Variants in RAD51C observed in about 807,000 individuals in gnomAD.
The protein encoded by RAD51C is RAD51 paralog C, also known as DNA repair protein RAD51 homolog 3.
In RAD51C, 42 loss-of-function variants were observed where a neutral mutation model predicts 45.0. That is an observed-to-expected ratio of 0.93 (90% CI 0.73 to 1.21). The LOEUF is 1.21. Ranked by LOEUF, RAD51C falls within the 50% of genes most tolerant of loss-of-function variation. The pLI, the probability that RAD51C is intolerant of heterozygous loss-of-function variation, is 0.00. For missense variants in RAD51C, 474 were observed against 452.2 expected (o/e 1.05, Z -0.44); for synonymous variants, 172 against 159.8 (o/e 1.08, Z -0.58).
chr17:58,695,727 G>T (rs576258816), intron 2 of RAD51C, among the ~76,000 whole-genome samples: 86 of 151,706 alleles, frequency 5.7e-4, no homozygotes, highest in Middle Eastern at 3.4e-3. Flanking sequence ...CAAAACTGCA[G>T]TGAGCCTTAA....
intron 4 of RAD51C, among the ~76,000 whole-genome samples, chr17:58,708,068 C>G (rs1258531777): frequency 1.3e-5 from 2 of 152,148 alleles, no homozygotes; most frequent in Non-Finnish European, 2.9e-5. Context: ...ATTGGGGGGA[C>G]ACAGCAGTGG....
chr17:58,733,351 A>C (rs1463485443), intron 8 of RAD51C, among the ~76,000 whole-genome samples: 2 of 152,164 alleles, frequency 1.3e-5, no homozygotes, highest in Non-Finnish European at 2.9e-5. Flanking sequence ...ACAGAAATAG[A>C]GATTCTGAAA....
intron 1 of RAD51C, 79 bp from the exon 2 acceptor site, chr17:58,694,852 T>G (rs941885100): frequency 1.6e-5 from 20 of 1,288,794 alleles, no homozygotes; most frequent in Non-Finnish European, 2.2e-5. Context: ...TGTCTACAAA[T>G]TAATAAAGAC....
At chr17:58,695,837 C>T (rs2064200364) in intron 2 of RAD51C, among the ~76,000 whole-genome samples, 4 of 151,792 alleles carry the variant, frequency 2.6e-5, no homozygotes, top group Non-Finnish European at 4.4e-5. Context: ...GAGGCTGAGG[C>T]GGGTGGATCA....
At chr17:58,725,226 T>A (rs2049074931) in intron 7 of RAD51C, among the ~76,000 whole-genome samples, 1 of 152,184 alleles carries the variant, frequency 6.6e-6, no homozygotes, top group Non-Finnish European at 1.5e-5. Flanking sequence ...CTAATTTTTT[T>A]TCTATGATCA....
intron 5 of RAD51C, among the ~76,000 whole-genome samples, chr17:58,713,644 C>G (rs1337109566): frequency 1.3e-5 from 2 of 152,076 alleles, no homozygotes; most frequent in Admixed American, 1.3e-4. Flanking sequence ...CTTGTCTCTA[C>G]TAATAATACA....
chr17:58,692,922 A>T (rs2047832463), intron 1 of RAD51C, 134 bp downstream of exon 1: 2 of 1,332,780 alleles, frequency 1.5e-6, no homozygotes, highest in African/African-American at 1.5e-5. Flanking sequence ...TTACAGCGTG[A>T]AAGAGCTCCT....
intron 8 of RAD51C, among the ~76,000 whole-genome samples, chr17:58,733,700 T>C (rs1397412042): frequency 6.6e-6 from 1 of 152,176 alleles, no homozygotes; most frequent in Non-Finnish European, 1.5e-5. Context: ...TTCACAGTGG[T>C]TGATAAATTT....
intron 4 of RAD51C, among the ~76,000 whole-genome samples, chr17:58,708,582 T>G (rs1435476615): frequency 6.6e-6 from 1 of 152,116 alleles, no homozygotes; most frequent in African/African-American, 2.4e-5. Flanking sequence ...GAAAAAAACA[T>G]AGCATTGGAG....
intron 7 of RAD51C, among the ~76,000 whole-genome samples, chr17:58,730,982 T>C (rs775335131): frequency 2.6e-5 from 4 of 152,176 alleles, no homozygotes; most frequent in Non-Finnish European, 5.9e-5. Context: ...TTCTACCTTC[T>C]GTCTCTGAAT....
rs1034609911 is a variant in RAD51C, at chr17:58,734,698, G to A, written c.*476G>A. The A allele has an allele frequency of 3.1e-5, 5 of 160,134 alleles. No homozygotes were observed. Among genetic ancestry groups the A allele is most frequent in the South Asian group, 1.7e-4 (1 of 6,014 alleles). The allele number at this position is 160,134 out of a possible 1,614,324, so 9.9% of individuals were successfully genotyped here. On this transcript the variant is annotated 3_prime_UTR_variant, in exon 9 of 9. Coordinates refer to ENST00000337432, the MANE Select transcript of RAD51C (RefSeq NM_058216.3). Reference sequence around the variant, plus strand: ...CAACCTCCGCCTCCCAGGTTCAAGCGATTCATCTGCCTCAGCCTCCCGAGT... The same window carrying A: ...CAACCTCCGCCTCCCAGGTTCAAGCAATTCATCTGCCTCAGCCTCCCGAGT...
chr17:58,705,048 T>C (rs975413437), intron 4 of RAD51C, among the ~76,000 whole-genome samples: 5 of 151,802 alleles, frequency 3.3e-5, no homozygotes, highest in African/African-American at 1.2e-4. Context: ...GGAGAATCGC[T>C]TGAACCTGGG....
intron 4 of RAD51C, among the ~76,000 whole-genome samples, chr17:58,707,986 C>T (rs963871698): frequency 1.3e-5 from 2 of 152,094 alleles, no homozygotes; most frequent in African/African-American, 4.8e-5. Context: ...CCTAATTTTA[C>T]GTTAATTACT....
intron 7 of RAD51C, among the ~76,000 whole-genome samples, chr17:58,730,330 A>AC (rs2049368632): frequency 6.8e-6 from 1 of 147,616 alleles, no homozygotes; most frequent in Non-Finnish European, 1.5e-5. Flanking sequence ...ACGCCCAGCT[A>AC]ATTTTTTTTT....
At chr17:58,723,285 G>C (rs911961695) in intron 6 of RAD51C, among the ~76,000 whole-genome samples, 3 of 150,972 alleles carry the variant, frequency 2.0e-5, no homozygotes, top group African/African-American at 7.3e-5. Flanking sequence ...AAGCACTATT[G>C]CTTAAATCTT....
At chr17:58,719,729 A>T (rs934757170) in intron 5 of RAD51C, among the ~76,000 whole-genome samples, 5 of 135,746 alleles carry the variant, frequency 3.7e-5, no homozygotes, top group African/African-American at 5.5e-5. Flanking sequence ...TGGATTTTTA[A>T]TTTTTTTTTT....
At chr17:58,710,510 A>C (rs2048524935) in intron 5 of RAD51C, among the ~76,000 whole-genome samples, 1 of 151,682 alleles carries the variant, frequency 6.6e-6, no homozygotes, top group East Asian at 1.9e-4. Context: ...CAAAAAAAAA[A>C]AAAAAGGACT....
At chr17:58,709,822 T>G (rs767548839) in intron 4 of RAD51C, 37 bp from the exon 5 acceptor site, 1 of 1,561,974 alleles carries the variant, frequency 6.4e-7, no homozygotes. Context: ...TATTTTATTT[T>G]TCGTAACAAA....
At chr17:58,701,507 C>T (rs1300483598) in intron 3 of RAD51C, among the ~76,000 whole-genome samples, 3 of 148,956 alleles carry the variant, frequency 2.0e-5, no homozygotes, top group African/African-American at 7.4e-5. Flanking sequence ...GACTCCGTCT[C>T]AAAAAAATGA....
Sources: allele counts gnomAD v4.1 joint callset (sites outside exome capture counted in the v4.1 genomes callset), GRCh38; gene constraint gnomAD v4.1.1; transcripts MANE v1.5; gene names NCBI Gene and HGNC (gene_info 2026-07-23, HGNC 2026-07-21).